The following N4BP3 variants were observed in gnomAD, a reference collection of about 807,000 sequenced individuals.
N4BP3 encodes the protein NEDD4 binding protein 3.
Under a neutral mutation model 43.8 loss-of-function variants are expected in N4BP3, and 33 were observed. The ratio of observed to expected loss-of-function variants is 0.75; its 90% CI spans 0.57 to 1.01. N4BP3 has a LOEUF of 1.01. N4BP3 is among the 50% of genes least tolerant of loss of function. The pLI is 0.00. For missense variants in N4BP3, 756 were observed against 744.2 expected, an observed-to-expected ratio of 1.02 and a Z score of -0.18; for synonymous variants, 326 against 321.9, an observed-to-expected ratio of 1.01 and a Z score of -0.14.
At chr5:178,117,018 G>A (rs1419163185) in intron 1 of N4BP3, among the ~76,000 whole-genome samples, 1 of 152,068 alleles carries the variant, frequency 6.6e-6, no homozygotes, top group Non-Finnish European at 1.5e-5. Flanking sequence ...TCGCTATGTT[G>A]CTAAGGGTGG....
intron 1 of N4BP3, among the ~76,000 whole-genome samples, chr5:178,115,684 T>G (rs1192522530): frequency 6.6e-6 from 1 of 152,236 alleles, no homozygotes; most frequent in South Asian, 2.1e-4. Flanking sequence ...ATCTCCTGTG[T>G]GTCTTGTGAG....
chr5:178,116,129 A>G (rs1210003191), intron 1 of N4BP3, among the ~76,000 whole-genome samples: 2 of 152,096 alleles, frequency 1.3e-5, no homozygotes, highest in Non-Finnish European at 2.9e-5. Context: ...GTGAGGCTGC[A>G]AGGCACTTGC....
rs550810838 is a variant in N4BP3 at position 178,122,803 on chromosome 5, C to G, written c.*802C>G. ...CTCCCCGCACCCACCTCCTGTCTCC[C>G]TCCCTCCCTCCATAGGAGTGGGGGG... is the stretch of plus-strand genomic sequence containing the variant. On this transcript the variant is annotated 3_prime_UTR_variant, in exon 5 of 5. Coordinates refer to ENST00000274605, the MANE Select transcript of N4BP3 (RefSeq NM_015111.2). The G allele has an allele frequency of 6.6e-6, 1 of 152,336 alleles. No individual in the cohort carries two copies. The highest frequency in any genetic ancestry group is 2.1e-4 in the South Asian group (1 of 4,826). 9.4% of individuals were successfully genotyped at this position (152,336 alleles called of 1,614,324 possible). A position where few individuals can be genotyped will look rare whatever the true frequency, so the allele number is the denominator to read the frequency against.
At chr5:178,120,809 A>G in intron 3 of N4BP3, 110 bp downstream of exon 3, 1 of 1,384,414 alleles carries the variant, frequency 7.2e-7, no homozygotes, top group Non-Finnish European at 9.5e-7. Context: ...ACAAGAGAGC[A>G]AGAAAGGGGG....
chr5:178,113,654 A>ACCCGGCACGCAGT lies in N4BP3; in HGVS notation c.-141_-129dup, dbSNP rs532580182. On this transcript the variant is annotated 5_prime_UTR_variant, in exon 1 of 5. Transcript: ENST00000274605. ...CGGCGCCTGCCGCTCCGCCGCTCCGACCCGGCACGCAGTCCCGGCCCGAGC... is the reference window on the plus strand; with the variant it reads ...CGGCGCCTGCCGCTCCGCCGCTCCGACCCGGCACGCAGTCCCGGCACGCAGTCCCGGCCCGAGC... 6.6e-6 allele frequency: 1 copy of ACCCGGCACGCAGT among 151,612 alleles called. No homozygotes were observed. The highest frequency in any genetic ancestry group is 6.6e-5 in the Admixed American group (1 of 15,246). The allele number at this position is 151,612 out of a possible 1,614,324, so 9.4% of individuals were successfully genotyped here.
At chr5:178,116,642 G>C (rs987813169) in intron 1 of N4BP3, among the ~76,000 whole-genome samples, 2 of 152,210 alleles carry the variant, frequency 1.3e-5, no homozygotes, top group African/African-American at 4.8e-5. Flanking sequence ...TGCTGGGTGG[G>C]GCTGACATGT....
intron 3 of N4BP3, 33 bp downstream of exon 3, chr5:178,120,732 G>A: frequency 6.5e-7 from 1 of 1,539,336 alleles, no homozygotes; most frequent in South Asian, 1.2e-5. Flanking sequence ...GTCCTGTTCT[G>A]TGCCTCAGCA....
rs536920730 is a variant in N4BP3, at chr5:178,120,328, G to A, written c.481G>A (p.Gly161Arg). Residue 161 changes from glycine to arginine, a missense_variant, in exon 3 of 5, where the codon GGG becomes AGG. Transcript: ENST00000274605. ...GGCCTGCCACCCGCCCCTGAGCCCC[G>A]GGCCCCGGGCCAGCCAGGCCCGGGC... ...TLACHPPLSP[G>R]PRASQARAQL... 6.2e-5 allele frequency: 100 copies of A among 1,607,442 alleles called. No homozygotes were observed. The highest frequency in any genetic ancestry group is 4.4e-4 in the Admixed American group (26 of 59,692).
Position 178,122,892 on chromosome 5 carries a change from C to T in N4BP3, c.*891C>T, listed in dbSNP as rs535098260. 6.6e-6 allele frequency: 1 copy of T among 152,298 alleles called. No individual in the cohort carries two copies. Among genetic ancestry groups the T allele is most frequent in the South Asian group, 2.1e-4 (1 of 4,816 alleles). 9.4% of individuals were successfully genotyped at this position (152,298 alleles called of 1,614,324 possible). A position where few individuals can be genotyped will look rare whatever the true frequency, so the allele number is the denominator to read the frequency against. The stretch of plus-strand genomic sequence containing the variant: ...AGGTGCAGGAGAGGAGGTGGGCAAG[C>T]TTATGGGTTTCTTGGTAAAGAGCCT... On this transcript the variant is annotated 3_prime_UTR_variant, in exon 5 of 5. Transcript: ENST00000274605.
chr5:178,116,555 T>A (rs1229081887), intron 1 of N4BP3, among the ~76,000 whole-genome samples: 2 of 152,170 alleles, frequency 1.3e-5, no homozygotes, highest in Non-Finnish European at 2.9e-5. Context: ...TGGGTGACCT[T>A]GTGCACAGCT....
rs1443304846 is a variant in N4BP3, at chr5:178,120,392, C to T, written c.545C>T (p.Pro182Leu). The change falls in exon 3 of 5, where the codon CCT (proline) becomes CTT (leucine). Residue 182 changes from proline to leucine, a missense_variant. Transcript: ENST00000274605. ...GCCCTCAGCCTAGATGAGGGCGGCC[C>T]TGAGCCCGAGCCCAGCCTGTCCGAC... ...LHALSLDEGGPEPEPSLSDSS... is the reference protein window; with the variant it reads ...LHALSLDEGGLEPEPSLSDSS... 1 of 1,612,864 alleles carries T rather than the reference C, an allele frequency of 6.2e-7. No homozygotes were observed. Among genetic ancestry groups the T allele is most frequent in the Non-Finnish European group, 8.5e-7 (1 of 1,179,936 alleles).
Position 178,120,390 on chromosome 5 carries a change from C to CCCTGAG in N4BP3, c.546_551dup (p.Glu185_Pro186dup). On this transcript the variant is annotated inframe_insertion, in exon 3 of 5. Transcript: ENST00000274605. ...ACGCCCTCAGCCTAGATGAGGGCGG[C>CCCTGAG]CCTGAGCCCGAGCCCAGCCTGTCCG... 6.2e-7 allele frequency: 1 copy of CCCTGAG among 1,612,810 alleles called. No homozygotes were observed.
In N4BP3 at chr5:178,120,965, G is replaced by C. The variant is rs1238873613; in HGVS notation, c.853-133G>C. 7.6e-6 allele frequency: 10 copies of C among 1,315,082 alleles called. No individual in the cohort carries two copies. In the African/African-American group the frequency reaches 1.0e-4, roughly 14 times the overall value. 81.5% of individuals were successfully genotyped at this position (1,315,082 alleles called of 1,614,324 possible). A position where few individuals can be genotyped will look rare whatever the true frequency, so the allele number is the denominator to read the frequency against. ...CACCTCACCCTGGAGGGCATCCCGG[G>C]TTAAAGCGCATGTGTGGCTGGGTCC... On this transcript the variant is annotated intron_variant, in intron 3 of 4. Transcript: ENST00000274605.
chr5:178,119,939 A>T, intron 2 of N4BP3, 26 bp downstream of exon 2: 1 of 1,573,180 alleles, frequency 6.4e-7, no homozygotes, highest in South Asian at 1.2e-5. Context: ...TGCCCCTTAC[A>T]AGGTGTGGGG....
intron 2 of N4BP3, 65 bp downstream of exon 2, chr5:178,119,978 G>A (rs1433712737): frequency 2.6e-6 from 4 of 1,513,302 alleles, no homozygotes; most frequent in Non-Finnish European, 3.5e-6. Flanking sequence ...AGACCCTGAT[G>A]TTGGGATGGG....
At chr5:178,116,855 C>T (rs543201142) in intron 1 of N4BP3, among the ~76,000 whole-genome samples, 22 of 152,326 alleles carry the variant, frequency 1.4e-4, no homozygotes, top group African/African-American at 4.3e-4. Flanking sequence ...CTGCTGCCAA[C>T]GTCCCCGCCC....
rs1420164331 is a variant in N4BP3, at chr5:178,122,949, A to G, written c.*948A>G. 2 of 152,256 alleles carry G rather than the reference A, an allele frequency of 1.3e-5. No individual in the cohort carries two copies. The highest frequency in any genetic ancestry group is 2.9e-5 in the Non-Finnish European group (2 of 68,054). 9.4% of individuals were successfully genotyped at this position (152,256 alleles called of 1,614,324 possible). A position where few individuals can be genotyped will look rare whatever the true frequency, so the allele number is the denominator to read the frequency against. On this transcript the variant is annotated 3_prime_UTR_variant, in exon 5 of 5. Coordinates refer to ENST00000274605, the MANE Select transcript of N4BP3 (RefSeq NM_015111.2). ...CAGCAAGGAATGGGAACATTTCCCC[A>G]TCAGCAACGGGGCTCTAGGGCATTA...
chr5:178,119,993 G>A, intron 2 of N4BP3, 80 bp downstream of exon 2: 1 of 1,493,912 alleles, frequency 6.7e-7, no homozygotes, highest in Non-Finnish European at 9.0e-7. Context: ...GATGGGGTGG[G>A]GACGGGGCAT....
Position 178,121,669 on chromosome 5 carries a change from C to G in N4BP3, c.1303C>G (p.Arg435Gly). 1.2e-6 allele frequency: 2 copies of G among 1,611,778 alleles called. No individual in the cohort carries two copies. The highest frequency in any genetic ancestry group is 1.1e-5 in the South Asian group (1 of 91,050). ...AVRSLQEQAP[R>G]EEAPGSCETD... is the part of the protein sequence containing the mutation. ...GCGCAGCCTGCAGGAGCAGGCCCCT[C>G]GGGAGGAAGCCCCAGGCAGCTGTGA... Residue 435 changes from arginine to glycine, a missense_variant, in exon 5 of 5, where the codon CGG becomes GGG. By Grantham distance (125) the Arg-to-Gly change is moderately radical (BLOSUM62 -2). Transcript: ENST00000274605.
Sources: gnomAD v4.1 joint callset for allele counts (sites outside exome capture counted in the v4.1 genomes callset) on GRCh38, gnomAD v4.1.1 for gene constraint, MANE v1.5 for transcripts, NCBI Gene and HGNC (gene_info 2026-07-23, HGNC 2026-07-21) for gene names.